The following EEA1 variants were observed in gnomAD, a reference collection of about 807,000 sequenced individuals.
The protein encoded by EEA1 is early endosome antigen 1, also known as early endosome antigen 1, 162kD.
Under a neutral mutation model 209.2 loss-of-function variants are expected in EEA1, and 111 were observed. The ratio of observed to expected loss-of-function variants is 0.53; its 90% CI spans 0.45 to 0.62. The LOEUF is 0.62. Among genes scored for constraint, EEA1 ranks in the 20% least tolerant of loss-of-function variants. EEA1 has a pLI of 0.00. For synonymous variants in EEA1, 536 were observed against 540.6 expected, an observed-to-expected ratio of 0.99 and a Z score of 0.12; for missense variants, 1,343 against 1,530.8, an observed-to-expected ratio of 0.88 and a Z score of 2.05.
intron 13 of EEA1, 39 bp downstream of exon 13, chr12:92,826,127 A>G (rs1420992621): frequency 5.0e-6 from 8 of 1,601,306 alleles, no homozygotes; most frequent in African/African-American, 1.3e-5. Flanking sequence ...ATGGTAATTA[A>G]TTTGTGTTTA....
At chr12:92,848,574 A>C (rs1161356984) in intron 9 of EEA1, among the ~76,000 whole-genome samples, 2 of 152,134 alleles carry the variant, frequency 1.3e-5, no homozygotes, top group Admixed American at 1.3e-4. Context: ...TAGAAATATA[A>C]ATTCATAAAA....
chr12:92,889,764 A>C (rs1879585271), intron 2 of EEA1, among the ~76,000 whole-genome samples: 1 of 152,148 alleles, frequency 6.6e-6, no homozygotes, highest in South Asian at 2.1e-4. Context: ...AAACAAAAAA[A>C]TTAGCCAGGT....
intron 22 of EEA1, among the ~76,000 whole-genome samples, chr12:92,784,432 A>G (rs1874039891): frequency 1.3e-5 from 2 of 152,174 alleles, no homozygotes; most frequent in Non-Finnish European, 2.9e-5. Flanking sequence ...CAAACAGTCT[A>G]CAGCAACTAT....
intron 18 of EEA1, among the ~76,000 whole-genome samples, chr12:92,805,247 G>A (rs151244769): frequency 1.4e-4 from 21 of 152,202 alleles, no homozygotes; most frequent in African/African-American, 4.8e-4. Context: ...GGAAACTACC[G>A]TGAGGAGGAA....
chr12:92,877,320 C>A (rs1017775001), intron 2 of EEA1, among the ~76,000 whole-genome samples: 2 of 150,926 alleles, frequency 1.3e-5, no homozygotes, highest in Non-Finnish European at 2.9e-5. Flanking sequence ...AAAATCCTAG[C>A]GATATTTTAA....
Position 92,852,287 on chromosome 12 carries a change from G to A in EEA1, c.530C>T (p.Ser177Leu). 6.4e-7 allele frequency: 1 copy of A among 1,571,804 alleles called. No individual in the cohort carries two copies. The highest frequency in any genetic ancestry group is 8.6e-7 in the Non-Finnish European group (1 of 1,162,174). ...QLATEIADIK[S>L]KYDEERSLRE... ...AAGACTCCTTTCTTCATCATACTTT[G>A]ACTTTATATCTAATTAAAGATAGTT... The change falls in exon 8 of 29, where the codon TCA (serine) becomes TTA (leucine). Residue 177 changes from serine to leucine, a missense_variant. Around this residue, in one of 3 missense-constraint regions of EEA1, gnomAD observed 1,307 missense variants for 1,465.5 expected, o/e 0.89. Coordinates refer to ENST00000322349, the MANE Select transcript of EEA1 (RefSeq NM_003566.4).
chr12:92,878,303 G>T (rs1878999927), intron 2 of EEA1, among the ~76,000 whole-genome samples: 1 of 152,054 alleles, frequency 6.6e-6, no homozygotes, highest in Admixed American at 6.6e-5. Context: ...AAACAAAAAA[G>T]GTGGGGGAAC....
At chr12:92,873,142 C>T (rs989518283) in intron 2 of EEA1, among the ~76,000 whole-genome samples, 5 of 152,162 alleles carry the variant, frequency 3.3e-5, no homozygotes, top group African/African-American at 1.2e-4. Flanking sequence ...AATCACTTTG[C>T]TTTGCTTAAA....
chr12:92,794,087 C>T (rs1241931865), intron 21 of EEA1, among the ~76,000 whole-genome samples: 1 of 152,208 alleles, frequency 6.6e-6, no homozygotes, highest in Admixed American at 6.5e-5. Context: ...ACAGACACTT[C>T]TCAAAAGAAG....
At chr12:92,787,766 C>T (rs762475204) in intron 22 of EEA1, 101 bp downstream of exon 22, 313 of 977,390 alleles carry the variant, frequency 3.2e-4, no homozygotes, top group Non-Finnish European at 4.1e-4. Context: ...CACTATTCCA[C>T]AAATACTAAC....
chr12:92,798,798 A>G, intron 21 of EEA1, 94 bp downstream of exon 21: 1 of 957,800 alleles, frequency 1.0e-6, no homozygotes, highest in Non-Finnish European at 1.5e-6. Flanking sequence ...TAAACTTTTC[A>G]ATGTTGCAAC....
chr12:92,851,254 C>T lies in EEA1; in HGVS notation c.655G>A (p.Gly219Ser). ...TTTAGCACGGCAACATCTTCTATAC[C>T]AGGTCTCTGAAGCTGTGAAACAACA... ...DLKTELLQRP[G>S]IEDVAVLKKE... is the part of the protein sequence containing the mutation. The change falls in exon 9 of 29, where the codon GGT (glycine) becomes AGT (serine). Residue 219 changes from glycine (G) to serine (S), a missense_variant. Physicochemically the swap from Gly to Ser is moderately conservative, Grantham distance 56 (BLOSUM62 0). Around this residue, in one of 3 missense-constraint regions of EEA1, gnomAD observed 1,307 missense variants for 1,465.5 expected, o/e 0.89. Coordinates refer to ENST00000322349, the MANE Select transcript of EEA1 (RefSeq NM_003566.4). The T allele has an allele frequency of 1.2e-6, 2 of 1,611,694 alleles. No homozygotes were observed. Among genetic ancestry groups the T allele is most frequent in the Non-Finnish European group, 1.7e-6 (2 of 1,179,238 alleles).
At chr12:92,778,756 G>A (rs951187320) in intron 25 of EEA1, among the ~76,000 whole-genome samples, 10 of 151,936 alleles carry the variant, frequency 6.6e-5, no homozygotes, top group African/African-American at 1.9e-4. Context: ...TCAAGTTTCC[G>A]CTCCCCCTTA....
At chr12:92,906,703 A>G (rs1031856733) in intron 1 of EEA1, among the ~76,000 whole-genome samples, 16 of 152,114 alleles carry the variant, frequency 1.1e-4, no homozygotes, top group Non-Finnish European at 2.4e-4. Flanking sequence ...AGTCCCAGCT[A>G]CTGGGGAGGC....
intron 3 of EEA1, chr12:92,858,834 T>G: frequency 1.3e-6 from 1 of 752,384 alleles, no homozygotes; most frequent in Non-Finnish European, 2.4e-6. Context: ...GTGGCAGACT[T>G]GTTATTGGTG....
intron 9 of EEA1, 130 bp downstream of exon 9, chr12:92,850,981 A>T: frequency 1.2e-6 from 1 of 841,586 alleles, no homozygotes; most frequent in Admixed American, 3.2e-5. Flanking sequence ...AATATTATTC[A>T]GATCAAAAAT....
intron 1 of EEA1, among the ~76,000 whole-genome samples, chr12:92,914,792 T>C (rs960101425): frequency 1.3e-5 from 2 of 151,958 alleles, no homozygotes; most frequent in Non-Finnish European, 2.9e-5. Flanking sequence ...GCCTCCCAAG[T>C]AACTGGAAGA....
intron 2 of EEA1, among the ~76,000 whole-genome samples, chr12:92,886,870 C>T (rs868045448): frequency 6.6e-6 from 1 of 151,554 alleles, no homozygotes; most frequent in Non-Finnish European, 1.5e-5. Flanking sequence ...TGGTGGCAGG[C>T]GCCTGTAGTC....
intron 5 of EEA1, among the ~76,000 whole-genome samples, chr12:92,855,721 C>A (rs7975733): frequency 6.6e-6 from 1 of 152,084 alleles, no homozygotes; most frequent in Non-Finnish European, 1.5e-5. Flanking sequence ...TTGCTAAGAA[C>A]CTTAAGTATT....
Sources: gnomAD v4.1 joint callset for allele counts (sites outside exome capture counted in the v4.1 genomes callset) on GRCh38, gnomAD v4.1.1 for gene constraint, gnomAD v4.1.1 regional missense constraint, MANE v1.5 for transcripts, NCBI Gene and HGNC (gene_info 2026-07-23, HGNC 2026-07-21) for gene names.